Variants in DDX47 observed in about 807,000 individuals in gnomAD.
DDX47 encodes probable ATP-dependent RNA helicase DDX47.
DDX47 carries 60 observed loss-of-function variants against 58.8 expected under a neutral mutation model. The ratio of observed to expected loss-of-function variants is 1.02; its 90% CI spans 0.83 to 1.26. DDX47 has a LOEUF of 1.26. DDX47 is among the 50% of genes most tolerant of loss of function. The pLI, the probability that DDX47 is intolerant of heterozygous loss-of-function variation, is 0.00. For synonymous variants in DDX47, 197 were observed against 204.6 expected (o/e 0.96, Z 0.32); for missense variants, 530 against 573.2 (o/e 0.92, Z 0.77).
intron 11 of DDX47, among the ~76,000 whole-genome samples, chr12:12,828,109 C>T (rs769027809): frequency 1.5e-4 from 23 of 152,090 alleles, no homozygotes; most frequent in Non-Finnish European, 2.4e-4. Flanking sequence ...CCCCCCGCCT[C>T]GGCCTCCCAA....
chr12:12,822,705 C>T lies in DDX47; in HGVS notation c.606C>T (p.Phe202=). ...TGATTCCTCGAGATCGGAAAACATT[C>T]CTCTTCTCTGCCACCATGACCAAGA... ...LKVIPRDRKT[F]LFSATMTKKV... is the part of the protein sequence containing the mutation. Residue 202 remains phenylalanine (F), a synonymous_variant, in exon 6 of 12, where the codon TTC becomes TTT. Transcript: ENST00000358007. The T allele has an allele frequency of 6.2e-7, 1 of 1,614,000 alleles. No homozygotes were observed. Among genetic ancestry groups the T allele is most frequent in the Non-Finnish European group, 8.5e-7 (1 of 1,179,946 alleles).
Position 12,824,024 on chromosome 12 carries a change from T to TTCA in DDX47, c.897+21_897+23dup. On this transcript the variant is annotated intron_variant, in intron 8 of 11. Coordinates refer to ENST00000358007, the MANE Select transcript of DDX47 (RefSeq NM_016355.4). ...CATGGACAAATGAGTCAGGTAAGGA[T>TTCA]TCATCATCATCATCAGCCATGCACT... is the stretch of plus-strand genomic sequence containing the variant. 6 of 1,612,470 alleles carry TTCA rather than the reference T, an allele frequency of 3.7e-6. No homozygotes were observed. Among genetic ancestry groups the TTCA allele is most frequent in the Admixed American group, 1.7e-5 (1 of 59,790 alleles).
At chr12:12,829,214 T>C (rs996189052) in intron 11 of DDX47, among the ~76,000 whole-genome samples, 2 of 152,224 alleles carry the variant, frequency 1.3e-5, no homozygotes, top group African/African-American at 2.4e-5. Flanking sequence ...CAATCTGCCA[T>C]GTGAAAATAA....
rs779899259 is a variant in DDX47 at position 12,824,019 on chromosome 12, A to G, written c.897+3A>G. The G allele has an allele frequency of 6.2e-7, 1 of 1,613,084 alleles. No homozygotes were observed. ...CCCTCCATGGACAAATGAGTCAGGT[A>G]AGGATTCATCATCATCATCAGCCAT... is the stretch of plus-strand genomic sequence containing the variant. On this transcript the variant is annotated splice_donor_region_variant and intron_variant, in intron 8 of 11. Coordinates refer to ENST00000358007, the MANE Select transcript of DDX47 (RefSeq NM_016355.4).
At chr12:12,819,898 A>G (rs145022535) in intron 2 of DDX47, among the ~76,000 whole-genome samples, 87 of 152,260 alleles carry the variant, frequency 5.7e-4, no homozygotes, top group African/African-American at 1.9e-3. Flanking sequence ...ATTACATCCA[A>G]TGTCCCAGTT....
Position 12,813,720 on chromosome 12 carries a change from G to A in DDX47, c.87+266G>A, listed in dbSNP as rs374461074. ...TGTGCATCCAGGAGGTTGTACATATGGGGAATGGAATTGGTCTCTTTATAA... is the reference window on the plus strand; with the variant it reads ...TGTGCATCCAGGAGGTTGTACATATAGGGAATGGAATTGGTCTCTTTATAA... On this transcript the variant is annotated intron_variant, in intron 1 of 11. Transcript: ENST00000358007. Among the ~76,000 whole-genome samples, 12 of 152,172 alleles carry A rather than the reference G, an allele frequency of 7.9e-5. No individual in the cohort carries two copies. In the East Asian group the frequency reaches 2.3e-3, roughly 29 times the overall value.
Position 12,822,024 on chromosome 12 carries a change from C to G in DDX47, c.502C>G (p.Leu168Val). The part of the protein sequence containing the change: ...ENTKGFNLRA[L>V]KYLVMDEADR... ...TACGAAAGGTTTCAACTTGAGAGCT[C>G]TCAAATACTTGGTCATGGATGAAGC... Residue 168 changes from leucine (L) to valine (V), a missense_variant, in exon 5 of 12, where the codon CTC becomes GTC. Coordinates refer to ENST00000358007, the MANE Select transcript of DDX47 (RefSeq NM_016355.4). 1 of 1,613,940 alleles carries G rather than the reference C, an allele frequency of 6.2e-7. No individual in the cohort carries two copies. Among genetic ancestry groups the G allele is most frequent in the Non-Finnish European group, 8.5e-7 (1 of 1,179,956 alleles).
intron 10 of DDX47, 127 bp from the exon 11 acceptor site, chr12:12,827,119 G>C: frequency 1.6e-6 from 2 of 1,226,400 alleles, no homozygotes; most frequent in Non-Finnish European, 2.3e-6. Flanking sequence ...ATTTAGAAAA[G>C]AAATAATATG....
At chr12:12,826,098 A>G in intron 10 of DDX47, 28 bp downstream of exon 10, 3 of 1,595,594 alleles carry the variant, frequency 1.9e-6, no homozygotes, top group Non-Finnish European at 2.6e-6. Context: ...AGGGCCGAGC[A>G]ATGTAGAGAA....
At chr12:12,827,917 C>T (rs952957271) in intron 11 of DDX47, among the ~76,000 whole-genome samples, 1 of 108,524 alleles carries the variant, frequency 9.2e-6, no homozygotes, top group Non-Finnish European at 1.8e-5. Context: ...GCTCTTGTTG[C>T]CCAGGCTGGA....
chr12:12,829,216 T>A (rs1192854207), intron 11 of DDX47, among the ~76,000 whole-genome samples: 1 of 152,236 alleles, frequency 6.6e-6, no homozygotes, highest in South Asian at 2.1e-4. Context: ...ATCTGCCATG[T>A]GAAAATAAAA....
At chr12:12,827,558 G>C (rs893916694) in intron 11 of DDX47, among the ~76,000 whole-genome samples, 183 bp downstream of exon 11, 1 of 152,206 alleles carries the variant, frequency 6.6e-6, no homozygotes, top group African/African-American at 2.4e-5. Context: ...CCAAATGGTT[G>C]AATCAAGGTT....
At chr12:12,828,713 T>A (rs1863090281) in intron 11 of DDX47, among the ~76,000 whole-genome samples, 1 of 152,168 alleles carries the variant, frequency 6.6e-6, no homozygotes, top group Non-Finnish European at 1.5e-5. Flanking sequence ...ATTCAAAAAA[T>A]ACAGAAAGGA....
At chr12:12,821,449 A>G (rs771313706) in intron 3 of DDX47, 53 bp downstream of exon 3, 3 of 1,593,780 alleles carry the variant, frequency 1.9e-6, no homozygotes, top group Non-Finnish European at 2.6e-6. Flanking sequence ...GTGAAGAATG[A>G]GTGTGGAGGA....
In DDX47 at chr12:12,821,169, A is replaced by G. The variant is rs777139978; in HGVS notation, c.182-39A>G. The stretch of plus-strand genomic sequence containing the variant: ...ATTGTAGAAAACACAGAAATAGCGC[A>G]AAGAGATTACTTGGCTGTTGAATTT... On this transcript the variant is annotated intron_variant, in intron 2 of 11. Coordinates refer to ENST00000358007, the MANE Select transcript of DDX47 (RefSeq NM_016355.4). 8 of 1,602,556 alleles carry G rather than the reference A, an allele frequency of 5.0e-6. No individual in the cohort carries two copies. The African/African-American group carries it at 1.1e-4, about 22-fold the overall frequency.
chr12:12,821,121 T>C, intron 2 of DDX47, 87 bp from the exon 3 acceptor site: 1 of 1,352,278 alleles, frequency 7.4e-7, no homozygotes, highest in Non-Finnish European at 1.0e-6. Context: ...ATTAAGCGTC[T>C]ACTTTGTGCC....
intron 8 of DDX47, 129 bp downstream of exon 8, chr12:12,824,145 G>C: frequency 8.5e-7 from 1 of 1,177,996 alleles, no homozygotes; most frequent in Non-Finnish European, 1.2e-6. Context: ...AATTTTATGG[G>C]CTTTGAAGTG....
chr12:12,828,697 A>G (rs574875951), intron 11 of DDX47, among the ~76,000 whole-genome samples: 2 of 152,300 alleles, frequency 1.3e-5, no homozygotes, highest in African/African-American at 2.4e-5. Context: ...GTGCATTGGG[A>G]AAAAAATTCA....
intron 1 of DDX47, among the ~76,000 whole-genome samples, chr12:12,813,926 G>T (rs1862853240): frequency 6.6e-6 from 1 of 152,224 alleles, no homozygotes; most frequent in African/African-American, 2.4e-5. Context: ...AAAGCACCTG[G>T]CCTTGGCCTT....
Sources: gnomAD v4.1 joint callset for allele counts (sites outside exome capture counted in the v4.1 genomes callset) on GRCh38, gnomAD v4.1.1 for gene constraint, MANE v1.5 for transcripts, NCBI Gene and HGNC (gene_info 2026-07-23, HGNC 2026-07-21) for gene names.